Variants in GSAP observed in about 807,000 individuals in gnomAD.
The protein encoded by GSAP is gamma-secretase activating protein.
Under a neutral mutation model 131.7 loss-of-function variants are expected in GSAP, and 118 were observed. The ratio of observed to expected loss-of-function variants is 0.90; its 90% CI spans 0.77 to 1.04. GSAP has a LOEUF of 1.04. GSAP is among the 50% of genes least tolerant of loss of function. The pLI is 0.00. For missense variants in GSAP, 1,019 were observed against 1,013.2 expected, an observed-to-expected ratio of 1.01 and a Z score of -0.08; for synonymous variants, 381 against 363.4, an observed-to-expected ratio of 1.05 and a Z score of -0.55.
chr7:77,318,157 A>T (rs1032576521), intron 26 of GSAP, among the ~76,000 whole-genome samples: 2 of 152,230 alleles, frequency 1.3e-5, no homozygotes, highest in Non-Finnish European at 2.9e-5. Context: ...GGATTTGAAT[A>T]TCAGCTCTGT....
intron 19 of GSAP, among the ~76,000 whole-genome samples, chr7:77,345,649 T>C (rs1050114261): frequency 6.6e-6 from 1 of 152,220 alleles, no homozygotes; most frequent in South Asian, 2.1e-4. Flanking sequence ...TTCCTTCTCC[T>C]GGCTCAGAAG....
chr7:77,405,699 A>G (rs188760498), intron 2 of GSAP, among the ~76,000 whole-genome samples: 29 of 152,264 alleles, frequency 1.9e-4, no homozygotes, highest in Admixed American at 9.8e-4. Flanking sequence ...CACAACACCC[A>G]GCTCATTTTT....
At chr7:77,337,990 G>GAAAC (rs372849148) in intron 19 of GSAP, among the ~76,000 whole-genome samples, 21 of 151,910 alleles carry the variant, frequency 1.4e-4, no homozygotes, top group East Asian at 3.9e-4. Context: ...GTCTCTACAG[G>GAAAC]AAACAAACAA....
Position 77,323,722 on chromosome 7 carries a change from G to T in GSAP, c.1848C>A (p.Asp616Glu), listed in dbSNP as rs747635313. Reference sequence around the variant, plus strand: ...CACCCTGTAGGTGTCTCAAAAAATGGTCTTTTAGCTCAGACACCATCTGAA... The same window carrying T: ...CACCCTGTAGGTGTCTCAAAAAATGTTCTTTTAGCTCAGACACCATCTGAA... ...LMGLMVSELK[D>E]HFLRHLQGVE... Residue 616 changes from aspartate to glutamate, a missense_variant, in exon 24 of 31, where the codon GAC becomes GAA. Physicochemically the swap from Asp to Glu is conservative, Grantham distance 45 (BLOSUM62 2). Transcript: ENST00000257626. 11 of 1,591,902 alleles carry T rather than the reference G, an allele frequency of 6.9e-6. No homozygotes were observed. In the South Asian group the frequency reaches 1.0e-4, roughly 14 times the overall value.
At chr7:77,415,950 G>C in intron 1 of GSAP, 1 of 378,486 alleles carries the variant, frequency 2.6e-6, no homozygotes, top group Non-Finnish European at 4.8e-6. Context: ...CCTCTGCCAA[G>C]GGCGAATTTC....
At chr7:77,313,615 T>C in intron 27 of GSAP, 66 bp from the exon 28 acceptor site, 1 of 762,082 alleles carries the variant, frequency 1.3e-6, no homozygotes, top group Non-Finnish European at 2.3e-6. Context: ...CAAGTTAATA[T>C]TAATACTTGA....
At chr7:77,390,551 C>A (rs1389767410) in intron 5 of GSAP, among the ~76,000 whole-genome samples, 2 of 151,878 alleles carry the variant, frequency 1.3e-5, no homozygotes, top group Non-Finnish European at 2.9e-5. Context: ...AATCCTTTAC[C>A]CATTTCTTCT....
At chr7:77,405,750 G>C (rs1272231974) in intron 2 of GSAP, among the ~76,000 whole-genome samples, 2 of 152,170 alleles carry the variant, frequency 1.3e-5, no homozygotes, top group Non-Finnish European at 2.9e-5. Context: ...TGTTGGCAAG[G>C]CTGGTCTCGA....
At chr7:77,359,264 G>A (rs1794196534) in intron 14 of GSAP, among the ~76,000 whole-genome samples, 1 of 151,946 alleles carries the variant, frequency 6.6e-6, no homozygotes, top group African/African-American at 2.4e-5. Context: ...GTAAGCCTAA[G>A]CACAGAGCTC....
intron 19 of GSAP, among the ~76,000 whole-genome samples, chr7:77,348,544 T>C (rs892748125): frequency 1.4e-4 from 22 of 152,124 alleles, no homozygotes; most frequent in Admixed American, 3.9e-4. Context: ...CAAATGGAAA[T>C]AAAAGGCGTC....
intron 2 of GSAP, among the ~76,000 whole-genome samples, chr7:77,404,852 C>T (rs901355329): frequency 6.6e-6 from 1 of 152,074 alleles, no homozygotes; most frequent in Non-Finnish European, 1.5e-5. Flanking sequence ...TAGGACTGAG[C>T]ATGGTGGGCG....
intron 29 of GSAP, 75 bp from the exon 30 acceptor site, chr7:77,312,015 T>G (rs899427659): frequency 6.0e-6 from 7 of 1,171,246 alleles, no homozygotes; most frequent in Admixed American, 1.7e-5. Context: ...TGATAAGAAC[T>G]GTAATTGCTG....
At chr7:77,367,565 G>A (rs1563043917) in intron 12 of GSAP, among the ~76,000 whole-genome samples, 1 of 152,170 alleles carries the variant, frequency 6.6e-6, no homozygotes, top group South Asian at 2.1e-4. Flanking sequence ...ACTTGACTGT[G>A]GTAGATTAGC....
intron 24 of GSAP, among the ~76,000 whole-genome samples, chr7:77,322,572 T>C (rs1372688919): frequency 6.7e-6 from 1 of 149,144 alleles, no homozygotes; most frequent in East Asian, 2.0e-4. Flanking sequence ...TAAATCACTG[T>C]GTGTTGTGAG....
intron 10 of GSAP, among the ~76,000 whole-genome samples, chr7:77,375,651 T>C (rs769002658): frequency 4.6e-5 from 7 of 152,014 alleles, no homozygotes; most frequent in Non-Finnish European, 1.0e-4. Context: ...TCAAGAACAG[T>C]CTGGCCAACA....
rs375280703 is a variant in GSAP at position 77,377,364 on chromosome 7, T to C, written c.603A>G (p.Pro201=). 6.4e-7 allele frequency: 1 copy of C among 1,573,870 alleles called. No individual in the cohort carries two copies. The highest frequency in any genetic ancestry group is 1.7e-4 in the Middle Eastern group (1 of 5,856). Residue 201 remains proline, a synonymous_variant, in exon 9 of 31, where the codon CCA becomes CCG. Coordinates refer to ENST00000257626, the MANE Select transcript of GSAP (RefSeq NM_017439.4). ...RVVIKNSGHL[P]RDRIAEDFVW... ...CGAAATCCTCAGCTATTCTGTCTCTTGGGAGATGGCCAGAATTTTTAATCA... is the reference window on the plus strand; with the variant it reads ...CGAAATCCTCAGCTATTCTGTCTCTCGGGAGATGGCCAGAATTTTTAATCA...
At chr7:77,351,306 C>G in intron 18 of GSAP, 1 of 942,198 alleles carries the variant, frequency 1.1e-6, no homozygotes, top group Non-Finnish European at 1.3e-6. Context: ...AAACATAATT[C>G]AGGATTATCT....
chr7:77,313,824 A>G (rs1794679667), intron 27 of GSAP, among the ~76,000 whole-genome samples: 1 of 152,248 alleles, frequency 6.6e-6, no homozygotes, highest in Non-Finnish European at 1.5e-5. Context: ...AACAAAAATC[A>G]TCTTAAAATA....
chr7:77,337,366 G>C (rs1243163998), intron 19 of GSAP, among the ~76,000 whole-genome samples: 1 of 152,022 alleles, frequency 6.6e-6, no homozygotes, highest in Non-Finnish European at 1.5e-5. Context: ...GTAGAGACAA[G>C]GTTTCACCAT....
Sources: gnomAD v4.1 joint callset for allele counts (sites outside exome capture counted in the v4.1 genomes callset) on GRCh38, gnomAD v4.1.1 for gene constraint, MANE v1.5 for transcripts, NCBI Gene and HGNC (gene_info 2026-07-23, HGNC 2026-07-21) for gene names.